XPC: variants seen among roughly 807,000 people sequenced by gnomAD.
XPC encodes XPC complex subunit, DNA damage recognition and repair factor.
XPC carries 76 observed loss-of-function variants against 95.8 expected under a neutral mutation model. The observed-to-expected ratio is 0.79, with a 90% CI of 0.66 to 0.96. The LOEUF (loss-of-function observed/expected upper bound fraction) is 0.96, where lower values mean the gene tolerates loss of function less well. Among genes scored for constraint, XPC ranks in the 40% least tolerant of loss-of-function variants. The pLI is 0.00. For synonymous variants in XPC, 442 were observed against 442.1 expected, an observed-to-expected ratio of 1.00 and a Z score of 0.00; for missense variants, 1,146 against 1,179.8, an observed-to-expected ratio of 0.97 and a Z score of 0.42.
At chr3:14,166,763 G>T (rs1054523334) in intron 5 of XPC, among the ~76,000 whole-genome samples, 6 of 152,158 alleles carry the variant, frequency 3.9e-5, no homozygotes, top group African/African-American at 9.7e-5. Context: ...TCAATTGTAG[G>T]AAATAAGCTT....
At chr3:14,152,528 T>A in intron 10 of XPC, 112 bp from the exon 11 acceptor site, 1 of 1,040,990 alleles carries the variant, frequency 9.6e-7, no homozygotes, top group Non-Finnish European at 1.4e-6. Flanking sequence ...TCAGCCACCC[T>A]GGAGCAGGCC....
At chr3:14,170,610 A>G (rs1468918966) in intron 2 of XPC, 60 bp from the exon 3 acceptor site, 2 of 1,344,378 alleles carry the variant, frequency 1.5e-6, no homozygotes, top group African/African-American at 2.9e-5. Flanking sequence ...TGTTCCATTC[A>G]AGCTAAATGG....
chr3:14,173,214 T>C (rs988079462), intron 1 of XPC, among the ~76,000 whole-genome samples, 152 bp from the exon 2 acceptor site: 4 of 152,176 alleles, frequency 2.6e-5, no homozygotes, highest in African/African-American at 9.7e-5. Context: ...AGCAACCAGC[T>C]CTCAGCTTCT....
At chr3:14,171,047 A>G (rs1214323995) in intron 2 of XPC, among the ~76,000 whole-genome samples, 1 of 152,222 alleles carries the variant, frequency 6.6e-6, no homozygotes, top group Non-Finnish European at 1.5e-5. Context: ...GTAACTACAC[A>G]TAGGTGAGTC....
Position 14,167,185 on chromosome 3 carries a change from T to C in XPC, c.605A>G (p.His202Arg), listed in dbSNP as rs1472372782. ...RAMKRFNKGV[H>R]EDTHKVHLLC... ...TGCCCTTACCTTGTGTGTGTCCTCATGGACCCCTTTATTGAAACGTTTCAT... is the reference window on the plus strand; with the variant it reads ...TGCCCTTACCTTGTGTGTGTCCTCACGGACCCCTTTATTGAAACGTTTCAT... Residue 202 changes from histidine to arginine, a missense_variant, in exon 5 of 16, where the codon CAT becomes CGT. By Grantham distance (29) the His-to-Arg change is conservative. Coordinates refer to ENST00000285021, the MANE Select transcript of XPC (RefSeq NM_004628.5). 6.2e-7 allele frequency: 1 copy of C among 1,608,294 alleles called. No individual in the cohort carries two copies. Among genetic ancestry groups the C allele is most frequent in the Non-Finnish European group, 8.5e-7 (1 of 1,177,082 alleles).
At chr3:14,160,530 C>CTTT (rs1696127693) in intron 7 of XPC, among the ~76,000 whole-genome samples, 1 of 152,168 alleles carries the variant, frequency 6.6e-6, no homozygotes, top group Non-Finnish European at 1.5e-5. Flanking sequence ...GTGTGAGAAG[C>CTTT]CATTGTTATG....
intron 7 of XPC, among the ~76,000 whole-genome samples, chr3:14,160,461 G>A (rs1354700927): frequency 1.3e-5 from 2 of 152,170 alleles, no homozygotes; most frequent in African/African-American, 4.8e-5. Context: ...CTTCCTACAC[G>A]GGTCTCCAGG....
chr3:14,173,899 A>C (rs1696710019), intron 1 of XPC, among the ~76,000 whole-genome samples: 1 of 152,160 alleles, frequency 6.6e-6, no homozygotes, highest in African/African-American at 2.4e-5. Context: ...TTAGAAAATA[A>C]AAATACTCTA....
intron 15 of XPC, among the ~76,000 whole-genome samples, chr3:14,147,043 T>C (rs1396606761): frequency 6.6e-6 from 1 of 152,152 alleles, no homozygotes; most frequent in Non-Finnish European, 1.5e-5. Flanking sequence ...GCATTGCTCA[T>C]GTGGACAGTA....
At position 14,152,401 on chromosome 3, in the gene XPC, AGT is replaced by A. The variant is rs1574954584; in HGVS notation, c.2047_2048del (p.Thr683SerfsTer29). 1 of 1,612,410 alleles carries A rather than the reference AGT, an allele frequency of 6.2e-7. No homozygotes were observed. On this transcript the variant is annotated frameshift_variant, in exon 11 of 16. Coordinates refer to ENST00000285021, the MANE Select transcript of XPC (RefSeq NM_004628.5). LOFTEE classifies it high-confidence loss of function. Reference protein sequence around the residue: ...EAVYSRDCVHTLHSRDTWLKK... With the variant: ...EAVYSRDCVHXLHSRDTWLKK... ...TCAGCCACGTGTCCCTGGAATGCAG[AGT>A]GTGCACACAATCCCTGTGGAACCAA... is the stretch of plus-strand genomic sequence containing the variant.
chr3:14,178,570 T>C lies in XPC; in HGVS notation c.-2A>G. The C allele has an allele frequency of 1.9e-6, 3 of 1,612,642 alleles. No homozygotes were observed. Among genetic ancestry groups the C allele is most frequent in the South Asian group, 2.2e-5 (2 of 91,060 alleles). On this transcript the variant is annotated 5_prime_UTR_variant, in exon 1 of 16. Coordinates refer to ENST00000285021, the MANE Select transcript of XPC (RefSeq NM_004628.5). The stretch of plus-strand genomic sequence containing the variant: ...GCCGGCCGCGCGTTTCCGAGCCATG[T>C]TGCTTGTCTGGGCAAATTCCACTTC...
intron 3 of XPC, among the ~76,000 whole-genome samples, chr3:14,169,084 G>C (rs573721877): frequency 6.6e-6 from 1 of 152,200 alleles, no homozygotes; most frequent in Non-Finnish European, 1.5e-5. Flanking sequence ...ACAGCTTCTT[G>C]AAGAAAAAAA....
rs1398304875 is a variant in XPC at position 14,156,417 on chromosome 3, G to A, written c.1951C>T (p.Arg651Trp). The change falls in exon 10 of 16, where the codon CGG (arginine) becomes TGG (tryptophan). Residue 651 changes from arginine (R) to tryptophan (W), a missense_variant. Arg to Trp is a moderately radical substitution (Grantham distance 101). Coordinates refer to ENST00000285021, the MANE Select transcript of XPC (RefSeq NM_004628.5). ...ATGGCCTCATATTTCAGGAGATGCC[G>A]CTTCAGGGCATACAGAGGGTGGTTC... is the stretch of plus-strand genomic sequence containing the variant. ...YKNHPLYALK[R>W]HLLKYEAIYP... 1.9e-5 allele frequency: 31 copies of A among 1,613,884 alleles called. No homozygotes were observed. The highest frequency in any genetic ancestry group is 2.3e-5 in the Non-Finnish European group (27 of 1,179,884).
At chr3:14,174,509 T>C (rs1226255270) in intron 1 of XPC, among the ~76,000 whole-genome samples, 1 of 152,240 alleles carries the variant, frequency 6.6e-6, no homozygotes, top group East Asian at 1.9e-4. Context: ...ACAGCTTTTA[T>C]TTCCGTTTGA....
intron 7 of XPC, among the ~76,000 whole-genome samples, chr3:14,160,497 C>T (rs1250297158): frequency 6.6e-6 from 1 of 152,204 alleles, no homozygotes; most frequent in Non-Finnish European, 1.5e-5. Flanking sequence ...TTGATTACTG[C>T]CACAGCCTCG....
chr3:14,145,917 G>A lies in XPC; in HGVS notation c.*24C>T, dbSNP rs770936288. On this transcript the variant is annotated 3_prime_UTR_variant, in exon 16 of 16. Transcript: ENST00000285021. ...GTAGTGGGGCAGCAGCAACTGGTGGGTGCCCCTCTAGTGGGCGCTCAGCTC... is the reference window on the plus strand; with the variant it reads ...GTAGTGGGGCAGCAGCAACTGGTGGATGCCCCTCTAGTGGGCGCTCAGCTC... 1 of 1,592,326 alleles carries A rather than the reference G, an allele frequency of 6.3e-7. No homozygotes were observed. The highest frequency in any genetic ancestry group is 8.6e-7 in the Non-Finnish European group (1 of 1,165,188).
At chr3:14,171,384 C>T (rs1013088496) in intron 2 of XPC, among the ~76,000 whole-genome samples, 1 of 152,142 alleles carries the variant, frequency 6.6e-6, no homozygotes. Context: ...TTAGAATGAA[C>T]ATAGCAGAAA....
chr3:14,171,843 C>T (rs962443162), intron 2 of XPC, among the ~76,000 whole-genome samples: 12 of 151,002 alleles, frequency 7.9e-5, no homozygotes, highest in African/African-American at 2.7e-4. Context: ...GGGATGGGGA[C>T]GGGACGGGGC....
rs76533106 is a variant in XPC, at chr3:14,178,305, C to A, written c.103+161G>T. ...GGTGCGCAGGACAAAGACGCGGGGA[C>A]AGCGGGGAGGGCCGGCCGCAGCCTG... On this transcript the variant is annotated intron_variant, in intron 1 of 15. Coordinates refer to ENST00000285021, the MANE Select transcript of XPC (RefSeq NM_004628.5). 14 of 774,704 alleles carry A rather than the reference C, an allele frequency of 1.8e-5. No individual in the cohort carries two copies. The Admixed American group carries it at 5.0e-4, about 28-fold the overall frequency. The allele number at this position is 774,704 out of a possible 1,614,324, so 48.0% of individuals were successfully genotyped here. A position where few individuals can be genotyped will look rare whatever the true frequency, so the allele number is the denominator to read the frequency against.
Sources: gnomAD v4.1 joint callset for allele counts (sites outside exome capture counted in the v4.1 genomes callset) on GRCh38, gnomAD v4.1.1 for gene constraint, MANE v1.5 for transcripts, NCBI Gene and HGNC (gene_info 2026-07-23, HGNC 2026-07-21) for gene names.